DCTN1: variants seen among roughly 807,000 people sequenced by gnomAD.
The protein encoded by DCTN1 is 150 kDa dynein-associated polypeptide.
In DCTN1, 61 loss-of-function variants were observed where a neutral mutation model predicts 161.2. That is an observed-to-expected ratio of 0.38 (90% CI 0.31 to 0.47). The LOEUF (loss-of-function observed/expected upper bound fraction) is 0.47, where lower values mean the gene tolerates loss of function less well. Among genes scored for constraint, DCTN1 ranks in the 20% least tolerant of loss-of-function variants. The pLI, the probability that DCTN1 is intolerant of heterozygous loss-of-function variation, is 0.99. For missense variants in DCTN1, 1,404 were observed against 1,623.7 expected, an observed-to-expected ratio of 0.86 and a Z score of 2.33; for synonymous variants, 653 against 632.4, an observed-to-expected ratio of 1.03 and a Z score of -0.49.
At chr2:74,375,741 T>TTATATCCTTATA (rs1675184313) in intron 5 of DCTN1, among the ~76,000 whole-genome samples, 1 of 152,182 alleles carries the variant, frequency 6.6e-6, no homozygotes. Flanking sequence ...CAGCATTATT[T>TTATATCCTTATA]TCCTTATATC....
chr2:74,366,997 A>C, intron 20 of DCTN1, 48 bp downstream of exon 20: 1 of 1,614,186 alleles, frequency 6.2e-7, no homozygotes, highest in Non-Finnish European at 8.5e-7. Flanking sequence ...TAAGGAAGTG[A>C]GGACTAAGAA....
rs1674432343 is a variant in DCTN1 at position 74,366,616 on chromosome 2, G to A, written c.2471C>T (p.Ser824Phe). Reference protein sequence around the residue: ...PAALAFGPQVSDTLLDCRKHL... With the variant: ...PAALAFGPQVFDTLLDCRKHL... ...TTTCCTGCAGTCTAGGAGCGTGTCA[G>A]ATACCTGTGTGCCAGGCCAGAGTCA... The change falls in exon 22 of 32, where the codon TCT becomes TTT. Residue 824 changes from serine (S) to phenylalanine (F), a missense_variant. This residue lies in a region of DCTN1 where 475 missense variants were observed against 489.8 expected (regional missense o/e 0.97). Coordinates refer to ENST00000628224, the MANE Select transcript of DCTN1 (RefSeq NM_004082.5). 7.4e-6 allele frequency: 12 copies of A among 1,612,310 alleles called. No homozygotes were observed. Among genetic ancestry groups the A allele is most frequent in the Non-Finnish European group, 1.0e-5 (12 of 1,180,030 alleles).
At position 74,367,841 on chromosome 2, in the gene DCTN1, T is replaced by A; in HGVS notation, c.2039A>T (p.Asp680Val). 1 of 1,614,070 alleles carries A rather than the reference T, an allele frequency of 6.2e-7. No individual in the cohort carries two copies. Among genetic ancestry groups the A allele is most frequent in the Non-Finnish European group, 8.5e-7 (1 of 1,180,016 alleles). The change falls in exon 18 of 32, where the codon GAT becomes GTT. Residue 680 changes from aspartate (D) to valine (V), a missense_variant. Coordinates refer to ENST00000628224, the MANE Select transcript of DCTN1 (RefSeq NM_004082.5). ...CAGGCTGCCCACTTTCTTATACACA[T>A]CCACACTGCACTGAGAGAGGGCACT... ...YEHALSQCSVDVYKKVGSLYP... is the reference protein window; with the variant it reads ...YEHALSQCSVVVYKKVGSLYP...
rs1675455397 is a variant in DCTN1 at position 74,380,287 on chromosome 2, C to T, written c.-250G>A. 1.6e-6 allele frequency: 1 copy of T among 607,596 alleles called. No homozygotes were observed. Among genetic ancestry groups the T allele is most frequent in the Non-Finnish European group, 3.0e-6 (1 of 331,910 alleles). The allele number at this position is 607,596 out of a possible 1,614,324, so 37.6% of individuals were successfully genotyped here. Reference sequence around the variant, plus strand: ...CTGAACCCAGAGACACAGAATCCTGCTTGCCAGCTGATGAGTCTCACTCTG... The same window carrying T: ...CTGAACCCAGAGACACAGAATCCTGTTTGCCAGCTGATGAGTCTCACTCTG... On this transcript the variant is annotated 5_prime_UTR_variant, in exon 1 of 32. Coordinates refer to ENST00000628224, the MANE Select transcript of DCTN1 (RefSeq NM_004082.5).
In DCTN1 at chr2:74,369,877, G is replaced by C; in HGVS notation, c.1392+88C>G. 2 of 1,183,004 alleles carry C rather than the reference G, an allele frequency of 1.7e-6. No homozygotes were observed. The highest frequency in any genetic ancestry group is 1.2e-6 in the Non-Finnish European group (1 of 810,122). 73.3% of individuals were successfully genotyped at this position (1,183,004 alleles called of 1,614,324 possible). Reference sequence around the variant, plus strand: ...GCAAGCCCAGGCTGGGTCCCTCACCGCACACCCTGCTCAAAGGCCAAGGGT... The same window carrying C: ...GCAAGCCCAGGCTGGGTCCCTCACCCCACACCCTGCTCAAAGGCCAAGGGT... On this transcript the variant is annotated intron_variant, in intron 13 of 31. Transcript: ENST00000628224. The surrounding 1 kb of genome is among the most constrained non-coding windows in gnomAD (Gnocchi z 4.9).
rs1573162241 is a variant in DCTN1 at position 74,370,267 on chromosome 2, C to T, written c.1206G>A (p.Leu402=). 2 of 1,614,116 alleles carry T rather than the reference C, an allele frequency of 1.2e-6. No individual in the cohort carries two copies. The highest frequency in any genetic ancestry group is 4.5e-5 in the East Asian group (2 of 44,886). ...QKLMEKKNQE[L]EVVRQQRERL... ...GCTCCCGCTGTTGCCTCACAACTTCCAGCTCTTGGTTCTTCTTTTCCATGA... is the reference window on the plus strand; with the variant it reads ...GCTCCCGCTGTTGCCTCACAACTTCTAGCTCTTGGTTCTTCTTTTCCATGA... Residue 402 remains leucine (L), a synonymous_variant, in exon 12 of 32, where the codon CTG becomes CTA. Coordinates refer to ENST00000628224, the MANE Select transcript of DCTN1 (RefSeq NM_004082.5). This position sits in a 1 kb window ranked among gnomAD's most constrained non-coding sequence, Gnocchi z 4.4.
chr2:74,387,517 GTTC>G (rs973284760), intron 1 of DCTN1, among the ~76,000 whole-genome samples: 4 of 152,122 alleles, frequency 2.6e-5, no homozygotes, highest in South Asian at 2.1e-4. Flanking sequence ...ACAAAAAAAA[GTTC>G]TTCTTCTATA....
In DCTN1 at chr2:74,371,012, G is replaced by A. The variant is rs569011011; in HGVS notation, c.810C>T (p.Ala270=). The change falls in exon 9 of 32, where the codon GCC becomes GCT. Residue 270 remains alanine (A), a synonymous_variant. Coordinates refer to ENST00000628224, the MANE Select transcript of DCTN1 (RefSeq NM_004082.5). ...CCTCCTTGAGGCGCCGCTGCAGGTC[G>A]GCCTGCTGCTCCTGCATTTTGCTCT... ...EWKSKMQEQQ[A]DLQRRLKEAR... 47 of 1,614,108 alleles carry A rather than the reference G, an allele frequency of 2.9e-5. No homozygotes were observed. Among genetic ancestry groups the A allele is most frequent in the South Asian group, 2.7e-4 (25 of 91,080 alleles).
In DCTN1 at chr2:74,362,022, TCCCATCCTCCAC is replaced by T. The variant is rs780978911; in HGVS notation, c.3699+18_3699+29del. 36 of 1,608,632 alleles carry T rather than the reference TCCCATCCTCCAC, an allele frequency of 2.2e-5. No homozygotes were observed. The highest frequency in any genetic ancestry group is 1.7e-4 in the Middle Eastern group (1 of 5,920). On this transcript the variant is annotated intron_variant, in intron 31 of 31. Transcript: ENST00000628224. ...GGGCCCGCCTGAGCTCTCCACACTG[TCCCATCCTCCAC>T]CCCATGCTCCCCCTCACCCTGAGGA...
intron 1 of DCTN1, chr2:74,391,467 T>C (rs1446320859): frequency 7.6e-6 from 2 of 262,834 alleles, no homozygotes; most frequent in South Asian, 3.6e-5. Flanking sequence ...TTCTCAACCA[T>C]GTGCCCACAG....
chr2:74,367,011 A>G (rs1674468373), intron 20 of DCTN1, 34 bp downstream of exon 20: 7 of 1,614,096 alleles, frequency 4.3e-6, no homozygotes, highest in African/African-American at 1.3e-5. Flanking sequence ...CTAAGAAAGA[A>G]GAGGAGCTCA....
At chr2:74,391,597 G>A (rs1676001694) in intron 1 of DCTN1, 3 of 352,114 alleles carry the variant, frequency 8.5e-6, no homozygotes, top group African/African-American at 4.4e-5. Context: ...GGAGAACAAT[G>A]CTAGGCTGAA....
intron 5 of DCTN1, among the ~76,000 whole-genome samples, chr2:74,375,788 T>C (rs201196948): frequency 6.6e-6 from 1 of 152,194 alleles, no homozygotes; most frequent in East Asian, 1.9e-4. Context: ...GCATGTGGTC[T>C]CTACCATGGC....
chr2:74,361,453 C>G lies in DCTN1; in HGVS notation c.*46G>C. 2 of 1,612,946 alleles carry G rather than the reference C, an allele frequency of 1.2e-6. No homozygotes were observed. Among genetic ancestry groups the G allele is most frequent in the Non-Finnish European group, 1.7e-6 (2 of 1,179,852 alleles). Reference sequence around the variant, plus strand: ...GGTGGCTGTGCATCGGGCAGAGCGGCACCAGAGGGCTGAGGGTCGAAGGGG... The same window carrying G: ...GGTGGCTGTGCATCGGGCAGAGCGGGACCAGAGGGCTGAGGGTCGAAGGGG... On this transcript the variant is annotated 3_prime_UTR_variant, in exon 32 of 32. Coordinates refer to ENST00000628224, the MANE Select transcript of DCTN1 (RefSeq NM_004082.5).
rs768115432 is a variant in DCTN1, at chr2:74,365,478, G to A, written c.3029+37C>T. On this transcript the variant is annotated intron_variant, in intron 25 of 31. Coordinates refer to ENST00000628224, the MANE Select transcript of DCTN1 (RefSeq NM_004082.5). Reference sequence around the variant, plus strand: ...AGGCAGAGAGCTCCAGCAGTGGGAGGATTAGAGGAAGCAAGGCCCCAGGGA... The same window carrying A: ...AGGCAGAGAGCTCCAGCAGTGGGAGAATTAGAGGAAGCAAGGCCCCAGGGA... The A allele has an allele frequency of 9.9e-6, 16 of 1,613,886 alleles. No homozygotes were observed. In the East Asian group the frequency reaches 3.6e-4, roughly 36 times the overall value.
rs1675448225 is a variant in DCTN1 at position 74,380,166 on chromosome 2, C to T, written c.-129G>A. 5.0e-6 allele frequency: 5 copies of T among 997,598 alleles called. No homozygotes were observed. The highest frequency in any genetic ancestry group is 6.2e-6 in the Non-Finnish European group (4 of 642,668). 61.8% of individuals were successfully genotyped at this position (997,598 alleles called of 1,614,324 possible). A position where few individuals can be genotyped will look rare whatever the true frequency, so the allele number is the denominator to read the frequency against. On this transcript the variant is annotated 5_prime_UTR_variant, in exon 1 of 32. Coordinates refer to ENST00000628224, the MANE Select transcript of DCTN1 (RefSeq NM_004082.5). ...CACAGGAGTCGTCAGGCACAGCCCT[C>T]CCCAGTCCATGGGCCTCACTCGGTG...
exon 1 of DCTN1, chr2:74,391,815 G>T: frequency 2.2e-6 from 1 of 453,836 alleles, no homozygotes; most frequent in Non-Finnish European, 4.4e-6. Flanking sequence ...GGGGCTCCGC[G>T]CCCAGCTCCG....
Position 74,367,690 on chromosome 2 carries a change from C to T in DCTN1, c.2184+6G>A, listed in dbSNP as rs762824101. 1.2e-6 allele frequency: 2 copies of T among 1,614,180 alleles called. No individual in the cohort carries two copies. Among genetic ancestry groups the T allele is most frequent in the Non-Finnish European group, 1.7e-6 (2 of 1,180,040 alleles). ...CCTGCCCCAAGCCCAAATTCTTGCC[C>T]CACACCTGATAGTACTTGATGGCCT... On this transcript the variant is annotated splice_donor_region_variant and intron_variant, in intron 18 of 31. Coordinates refer to ENST00000628224, the MANE Select transcript of DCTN1 (RefSeq NM_004082.5).
chr2:74,362,780 C>A, intron 29 of DCTN1, 51 bp from the exon 30 acceptor site: 1 of 1,570,592 alleles, frequency 6.4e-7, no homozygotes, highest in South Asian at 1.1e-5. Flanking sequence ...GCAGGCAGTT[C>A]TACTGGATTA....
Sources: gnomAD v4.1 joint callset for allele counts (sites outside exome capture counted in the v4.1 genomes callset) on GRCh38, gnomAD v4.1.1 for gene constraint, gnomAD v4.1.1 regional missense constraint, Gnocchi (gnomAD v3.1) non-coding constraint, MANE v1.5 for transcripts, NCBI Gene and HGNC (gene_info 2026-07-23, HGNC 2026-07-21) for gene names.